ERBIN: variants seen among roughly 807,000 people sequenced by gnomAD.
ERBIN encodes the protein densin-180-like protein.
Under a neutral mutation model 158.4 loss-of-function variants are expected in ERBIN, and 60 were observed. The ratio of observed to expected loss-of-function variants is 0.38; its 90% confidence interval spans 0.31 to 0.47. The LOEUF (loss-of-function observed/expected upper bound fraction) is 0.47, where lower values mean the gene tolerates loss of function less well. Ranked by LOEUF, ERBIN falls within the 20% of genes least tolerant of loss-of-function variation. The pLI is 0.99. For synonymous variants in ERBIN, 594 were observed against 557.2 expected (o/e 1.07, Z -0.93); for missense variants, 1,610 against 1,648.0 (o/e 0.98, Z 0.40).
intron 1 of ERBIN, among the ~76,000 whole-genome samples, chr5:65,957,661 A>G (rs935518326): frequency 1.2e-4 from 18 of 152,328 alleles, no homozygotes; most frequent in Admixed American, 3.9e-4. Flanking sequence ...TCCTTTCCCC[A>G]CATTTCCCCC....
chr5:66,065,590 CCTGTGTGTGTGTGTGT>C (rs1396285165), intron 21 of ERBIN, among the ~76,000 whole-genome samples: 2 of 109,394 alleles, frequency 1.8e-5, no homozygotes, highest in African/African-American at 6.5e-5. Flanking sequence ...TTAATTTTGA[CCTGTGTGTGTGTGTGT>C]GTGTGTGTGT....
chr5:65,961,274 T>C (rs1184408783), intron 1 of ERBIN: 2 of 152,246 alleles, frequency 1.3e-5, no homozygotes, highest in African/African-American at 4.8e-5. Context: ...GTCTCACCCC[T>C]GGGCATGAAC....
intron 1 of ERBIN, among the ~76,000 whole-genome samples, chr5:65,931,763 C>T (rs1338572816): frequency 4.6e-5 from 7 of 151,700 alleles, no homozygotes; most frequent in Non-Finnish European, 8.8e-5. Flanking sequence ...GAAGAAAATC[C>T]AGCCTTATAC....
chr5:66,044,339 G>T (rs201449725), intron 17 of ERBIN, 29 bp downstream of exon 17: 5 of 1,556,060 alleles, frequency 3.2e-6, no homozygotes, highest in African/African-American at 1.4e-5. Context: ...ATTAACCAAA[G>T]CCTATTTCAA....
intron 1 of ERBIN, among the ~76,000 whole-genome samples, chr5:65,945,747 T>G (rs1240495763): frequency 1.3e-5 from 2 of 152,238 alleles, no homozygotes; most frequent in African/African-American, 4.8e-5. Context: ...ACTACCAGTT[T>G]ATAAATATGT....
intron 4 of ERBIN, among the ~76,000 whole-genome samples, chr5:66,010,774 T>C (rs1580340742): frequency 6.6e-6 from 1 of 152,334 alleles, no homozygotes; most frequent in African/African-American, 2.4e-5. Flanking sequence ...ATAAAATTCA[T>C]TTTTGGAATG....
At chr5:65,959,406 C>CA in intron 1 of ERBIN, among the ~76,000 whole-genome samples, 1 of 152,136 alleles carries the variant, frequency 6.6e-6, no homozygotes, top group South Asian at 2.1e-4. Context: ...TTTAAAAACA[C>CA]AGTTGATAGT....
intron 7 of ERBIN, 67 bp downstream of exon 7, chr5:66,014,792 G>T: frequency 3.9e-6 from 3 of 778,820 alleles, no homozygotes; most frequent in Non-Finnish European, 5.9e-6. Flanking sequence ...CTTTAAAAAT[G>T]TAAATTTTTA....
rs369912273 is a variant in ERBIN, at chr5:66,053,734, C to G, written c.2416C>G (p.His806Asp). 2 of 1,613,728 alleles carry G rather than the reference C, an allele frequency of 1.2e-6. No individual in the cohort carries two copies. The highest frequency in any genetic ancestry group is 1.7e-6 in the Non-Finnish European group (2 of 1,179,974). The stretch of plus-strand genomic sequence containing the variant: ...CATTAATTCTAAAGAGGAAACTGAG[C>G]ACTTGGAAAATGGAAACAAGTATCC... ...LSINSKEETE[H>D]LENGNKYPNL... The change falls in exon 21 of 26, where the codon CAC becomes GAC. Residue 806 changes from histidine to aspartate, a missense_variant. This residue lies in a region of ERBIN where 1,014 missense variants were observed against 936.1 expected (regional missense o/e 1.08). Coordinates refer to ENST00000284037, the MANE Select transcript of ERBIN (RefSeq NM_001253697.2).
At chr5:66,040,389 T>A (rs926765041) in intron 15 of ERBIN, among the ~76,000 whole-genome samples, 3 of 151,880 alleles carry the variant, frequency 2.0e-5, no homozygotes, top group Non-Finnish European at 2.9e-5. Flanking sequence ...TGAAAAGAGA[T>A]CACAATTCAG....
intron 22 of ERBIN, among the ~76,000 whole-genome samples, chr5:66,073,420 T>C (rs943715900): frequency 6.6e-6 from 1 of 152,188 alleles, no homozygotes; most frequent in African/African-American, 2.4e-5. Context: ...TCCAGAAATG[T>C]AGGGCTAATA....
chr5:66,053,720 A>T lies in ERBIN; in HGVS notation c.2402A>T (p.Lys801Ile). The T allele has an allele frequency of 6.2e-7, 1 of 1,613,906 alleles. No homozygotes were observed. The highest frequency in any genetic ancestry group is 8.5e-7 in the Non-Finnish European group (1 of 1,179,996). Residue 801 changes from lysine (K) to isoleucine (I), a missense_variant, in exon 21 of 26, where the codon AAA (lysine) becomes ATA (isoleucine). Lys to Ile is a moderately radical substitution (Grantham distance 102). Around this residue, in one of 2 missense-constraint regions of ERBIN, gnomAD observed 1,014 missense variants for 936.1 expected, o/e 1.08. Transcript: ENST00000284037. ...ACAAGCTTTTTAAGCATTAATTCTA[A>T]AGAGGAAACTGAGCACTTGGAAAAT... is the stretch of plus-strand genomic sequence containing the variant. ...LGTSFLSINS[K>I]EETEHLENGN...
chr5:65,959,677 G>C (rs970182146), intron 1 of ERBIN, among the ~76,000 whole-genome samples: 2 of 152,108 alleles, frequency 1.3e-5, no homozygotes, highest in Non-Finnish European at 2.9e-5. Flanking sequence ...TTCTCAAATC[G>C]TATGACACTT....
chr5:66,032,095 A>G (rs1406520387), intron 14 of ERBIN, among the ~76,000 whole-genome samples: 3 of 152,182 alleles, frequency 2.0e-5, no homozygotes, highest in African/African-American at 7.2e-5. Context: ...AAAGCAGCAT[A>G]GTATATTCCA....
chr5:65,980,739 AATG>A (rs1750565540), intron 1 of ERBIN, among the ~76,000 whole-genome samples: 1 of 151,030 alleles, frequency 6.6e-6, no homozygotes, highest in African/African-American at 2.5e-5. Context: ...AAAACCTCGT[AATG>A]TGAGAAGGAT....
Position 66,053,834 on chromosome 5 carries a change from A to C in ERBIN, c.2516A>C (p.His839Pro), listed in dbSNP as rs772584558. 14 of 1,613,990 alleles carry C rather than the reference A, an allele frequency of 8.7e-6. No individual in the cohort carries two copies. The highest frequency in any genetic ancestry group is 1.3e-5 in the African/African-American group (1 of 74,946). ...TSQSPNRTEP[H>P]DSDCSVDLGI... ...CAGTCTCCTAATAGGACTGAACCAC[A>C]TGACAGTGATTGTTCTGTTGACTTA... The change falls in exon 21 of 26, where the codon CAT becomes CCT. Residue 839 changes from histidine to proline, a missense_variant. Physicochemically the swap from His to Pro is moderately conservative, Grantham distance 77. This residue lies in a region of ERBIN where 1,014 missense variants were observed against 936.1 expected (regional missense o/e 1.08). Coordinates refer to ENST00000284037, the MANE Select transcript of ERBIN (RefSeq NM_001253697.2).
intron 22 of ERBIN, among the ~76,000 whole-genome samples, chr5:66,073,075 T>G (rs1210178509): frequency 1.3e-5 from 2 of 152,194 alleles, no homozygotes; most frequent in Admixed American, 1.3e-4. Flanking sequence ...ATTTTGTGGC[T>G]TAGGGTTACT....
intron 1 of ERBIN, among the ~76,000 whole-genome samples, chr5:65,940,304 C>T (rs1171681966): frequency 1.0e-3 from 156 of 148,714 alleles, no homozygotes; most frequent in African/African-American, 3.8e-3. Flanking sequence ...GGAGACCCTC[C>T]GCCTGGCAAC....
chr5:66,076,128 TTAACTCAC>T (rs1761966090), intron 23 of ERBIN, 180 bp from the exon 24 acceptor site: 2 of 567,090 alleles, frequency 3.5e-6, no homozygotes, highest in Non-Finnish European at 6.2e-6. Context: ...AGCTCTGCCT[TTAACTCAC>T]TAACTCATTA....
Sources: gnomAD v4.1 joint callset for allele counts (sites outside exome capture counted in the v4.1 genomes callset) on GRCh38, gnomAD v4.1.1 for gene constraint, gnomAD v4.1.1 regional missense constraint, MANE v1.5 for transcripts, NCBI Gene and HGNC (gene_info 2026-07-23, HGNC 2026-07-21) for gene names.